The following GRID2 variants were observed in gnomAD, a reference collection of about 807,000 sequenced individuals.
The protein encoded by GRID2 is glutamate ionotropic receptor delta type subunit 2, also known as glutamate receptor ionotropic, delta-2.
GRID2 carries 33 observed loss-of-function variants against 114.8 expected under a neutral mutation model. The observed-to-expected ratio is 0.29, with a 90% CI of 0.22 to 0.38. GRID2 has a LOEUF of 0.38. Among genes scored for constraint, GRID2 ranks in the 10% least tolerant of loss-of-function variants. The probability of loss-of-function intolerance (pLI) is 1.00; values close to 1 mark genes in which losing one functional copy is unlikely to be tolerated. For missense variants in GRID2, 1,184 were observed against 1,257.7 expected, an observed-to-expected ratio of 0.94 and a Z score of 0.89; for synonymous variants, 505 against 449.9, an observed-to-expected ratio of 1.12 and a Z score of -1.55.
intron 1 of GRID2, among the ~76,000 whole-genome samples, chr4:92,508,854 C>T (rs1724104358): frequency 6.6e-6 from 1 of 151,634 alleles, no homozygotes; most frequent in Non-Finnish European, 1.5e-5. Flanking sequence ...TAATAAAATC[C>T]CCAGTTGAAA....
chr4:92,605,049 A>G (rs982106272), intron 2 of GRID2, among the ~76,000 whole-genome samples: 1 of 152,018 alleles, frequency 6.6e-6, no homozygotes, highest in Non-Finnish European at 1.5e-5. Flanking sequence ...CTTGTGAAGA[A>G]GATGCCTTGC....
At chr4:92,815,254 CTG>C (rs1740837392) in intron 2 of GRID2, among the ~76,000 whole-genome samples, 1 of 152,018 alleles carries the variant, frequency 6.6e-6, no homozygotes, top group South Asian at 2.1e-4. Flanking sequence ...TTAAAGATAA[CTG>C]TGTTACATAA....
intron 2 of GRID2, among the ~76,000 whole-genome samples, chr4:92,837,625 A>G (rs1179763798): frequency 6.6e-6 from 1 of 152,120 alleles, no homozygotes; most frequent in African/African-American, 2.4e-5. Flanking sequence ...TGGTGTTCAG[A>G]AATGGCCAAA....
rs1401537936 is a variant in GRID2 at position 93,223,272 on chromosome 4, A to G, written c.964-1342A>G. ...AAATAGCCAGTCCTAATACTTCCTTATGAAGGACAAACTTGTATTGCACGT... is the reference window on the plus strand; with the variant it reads ...AAATAGCCAGTCCTAATACTTCCTTGTGAAGGACAAACTTGTATTGCACGT... On this transcript the variant is annotated intron_variant, in intron 6 of 15. Coordinates refer to ENST00000282020, the MANE Select transcript of GRID2 (RefSeq NM_001510.4). 3.3e-5 allele frequency among the ~76,000 whole-genome samples: 5 copies of G among 152,132 alleles called. No individual in the cohort carries two copies. The East Asian group carries it at 9.6e-4, about 29-fold the overall frequency.
chr4:93,165,649 G>A (rs947235791), intron 4 of GRID2, among the ~76,000 whole-genome samples: 2 of 152,056 alleles, frequency 1.3e-5, no homozygotes, highest in Non-Finnish European at 2.9e-5. Flanking sequence ...TTAGTTTTGC[G>A]CTAACTCCTC....
intron 3 of GRID2, among the ~76,000 whole-genome samples, chr4:93,107,665 A>G (rs1231610583): frequency 1.3e-5 from 2 of 151,648 alleles, no homozygotes; most frequent in African/African-American, 2.4e-5. Context: ...CAGCCTGGGT[A>G]TGTATTTTTA....
At chr4:92,979,000 G>A (rs1560764627) in intron 2 of GRID2, among the ~76,000 whole-genome samples, 1 of 151,992 alleles carries the variant, frequency 6.6e-6, no homozygotes, top group Non-Finnish European at 1.5e-5. Context: ...CAGCCCTGGT[G>A]GCTGAGAGAG....
rs188128550 is a variant in GRID2 at position 92,890,084 on chromosome 4, C to G, written c.245-194911C>G. Among the ~76,000 whole-genome samples the G allele has an allele frequency of 8.2e-4, 124 of 152,126 alleles. 1 individual carries two copies. The highest frequency in any genetic ancestry group is 2.8e-3 in the African/African-American group (117 of 41,524). On this transcript the variant is annotated intron_variant, in intron 2 of 15. Transcript: ENST00000282020. ...CCATATGCAGAAAGCTGAAACTGGA[C>G]CCCATCCTTACACCTTATACAAAAA...
At chr4:93,159,700 T>G (rs901117481) in intron 4 of GRID2, among the ~76,000 whole-genome samples, 3 of 151,270 alleles carry the variant, frequency 2.0e-5, no homozygotes, top group African/African-American at 7.3e-5. Context: ...TGCATTTTTT[T>G]TTTTTTTTTG....
rs1430414012 is a variant in GRID2 at position 92,699,106 on chromosome 4, G to C, written c.244+108820G>C. 2.6e-5 allele frequency among the ~76,000 whole-genome samples: 4 copies of C among 151,954 alleles called. 1 individual carries two copies. Among genetic ancestry groups the C allele is most frequent in the Admixed American group, 1.3e-4 (2 of 15,258 alleles). ...AAAAACAGTAATTTCATGGTTATTA[G>C]ACATTCCAAAATGTTCTATCTAAAA... On this transcript the variant is annotated intron_variant, in intron 2 of 15. Coordinates refer to ENST00000282020, the MANE Select transcript of GRID2 (RefSeq NM_001510.4).
intron 2 of GRID2, among the ~76,000 whole-genome samples, chr4:92,935,359 G>T (rs1750583198): frequency 6.8e-6 from 1 of 146,888 alleles, no homozygotes; most frequent in Non-Finnish European, 1.5e-5. Context: ...CAGTTAGAAT[G>T]GCAATCATTA....
chr4:93,463,049 G>A (rs1253900198), intron 11 of GRID2, among the ~76,000 whole-genome samples: 1 of 152,146 alleles, frequency 6.6e-6, no homozygotes. Context: ...CATCTCTGTT[G>A]TTGTTAATTA....
chr4:93,608,295 TC>T (rs1173250534), intron 13 of GRID2, among the ~76,000 whole-genome samples: 9 of 61,258 alleles, frequency 1.5e-4, no homozygotes, highest in African/African-American at 2.5e-4. Context: ...TATTTTTTTT[TC>T]TTTTTTTTTT....
At chr4:93,230,147 CGTGTGTGT>C (rs34250856) in intron 7 of GRID2, among the ~76,000 whole-genome samples, 5 of 148,646 alleles carry the variant, frequency 3.4e-5, no homozygotes, top group African/African-American at 9.9e-5. Flanking sequence ...TGTGTGTATG[CGTGTGTGT>C]GTGTGTGTGT....
chr4:92,430,268 G>A lies in GRID2; in HGVS notation c.88+125524G>A, dbSNP rs186729012. Among the ~76,000 whole-genome samples the A allele has an allele frequency of 3.2e-3, 483 of 152,060 alleles. 4 individuals carry two copies. Among genetic ancestry groups the A allele is most frequent in the African/African-American group, 0.011 (446 of 41,510 alleles). The stretch of plus-strand genomic sequence containing the variant: ...AGATTTAATCCTTCAATCCATTTTG[G>A]TTTTATTTTTGTATGTGGTGAGAGA... On this transcript the variant is annotated intron_variant, in intron 1 of 15. Coordinates refer to ENST00000282020, the MANE Select transcript of GRID2 (RefSeq NM_001510.4).
At chr4:92,614,452 T>TAA (rs1729905616) in intron 2 of GRID2, among the ~76,000 whole-genome samples, 1 of 151,694 alleles carries the variant, frequency 6.6e-6, no homozygotes, top group Non-Finnish European at 1.5e-5. Context: ...AACAATTTTT[T>TAA]TTCCAATTTT....
intron 8 of GRID2, among the ~76,000 whole-genome samples, chr4:93,272,525 GGTCT>G: frequency 6.6e-6 from 1 of 152,274 alleles, no homozygotes; most frequent in South Asian, 2.1e-4. Context: ...GGGAGTGCAT[GGTCT>G]GAGAAGGAGG....
intron 2 of GRID2, among the ~76,000 whole-genome samples, chr4:92,925,366 G>A (rs1414093265): frequency 6.6e-6 from 1 of 151,934 alleles, no homozygotes; most frequent in Non-Finnish European, 1.5e-5. Flanking sequence ...GAGATCTCTG[G>A]AGGCATGTAC....
At chr4:93,020,671 A>G (rs1723190697) in intron 2 of GRID2, among the ~76,000 whole-genome samples, 1 of 152,218 alleles carries the variant, frequency 6.6e-6, no homozygotes, top group South Asian at 2.1e-4. Context: ...ACCTTAAGAA[A>G]TAAAAGACTT....
Sources: gnomAD v4.1 joint callset for allele counts (sites outside exome capture counted in the v4.1 genomes callset) on GRCh38, gnomAD v4.1.1 for gene constraint, MANE v1.5 for transcripts, NCBI Gene and HGNC (gene_info 2026-07-23, HGNC 2026-07-21) for gene names.